The following LINGO2 variants were observed in gnomAD, a reference collection of about 807,000 sequenced individuals.
The protein encoded by LINGO2 is leucine rich repeat and Ig domain containing 2.
A neutral mutation model predicts 30.6 loss-of-function variants in LINGO2; 14 were observed. The observed-to-expected ratio is 0.46, with a 90% CI of 0.30 to 0.72. The LOEUF is 0.72. Ranked by LOEUF, LINGO2 falls within the 30% of genes least tolerant of loss-of-function variation. The pLI is 0.07. For synonymous variants in LINGO2, 317 were observed against 288.5 expected, an observed-to-expected ratio of 1.10 and a Z score of -1.00; for missense variants, 729 against 751.7, an observed-to-expected ratio of 0.97 and a Z score of 0.35.
intron 1 of LINGO2, among the ~76,000 whole-genome samples, chr9:28,498,713 T>C (rs908741010): frequency 6.6e-5 from 10 of 152,014 alleles, no homozygotes; most frequent in African/African-American, 1.9e-4. Flanking sequence ...GGTACCTCAG[T>C]TGGAATTGCA....
chr9:28,463,198 T>C (rs1195133273), intron 2 of LINGO2, among the ~76,000 whole-genome samples: 2 of 152,000 alleles, frequency 1.3e-5, no homozygotes, highest in Non-Finnish European at 2.9e-5. Flanking sequence ...ATTCTTTACC[T>C]AGATATGTAA....
intron 1 of LINGO2, among the ~76,000 whole-genome samples, chr9:28,609,180 T>C (rs1825811016): frequency 6.9e-6 from 1 of 145,734 alleles, no homozygotes; most frequent in Non-Finnish European, 1.5e-5. Flanking sequence ...TTTACAAAAC[T>C]ATAAAAATAT....
chr9:28,384,038 CACAAT>C (rs1218323307), intron 2 of LINGO2, among the ~76,000 whole-genome samples: 1 of 151,892 alleles, frequency 6.6e-6, no homozygotes, highest in Non-Finnish European at 1.5e-5. Flanking sequence ...TAAAACATTA[CACAAT>C]ACAACATATG....
intron 4 of LINGO2, among the ~76,000 whole-genome samples, chr9:28,209,202 A>G (rs1820510173): frequency 6.6e-6 from 1 of 152,008 alleles, no homozygotes; most frequent in African/African-American, 2.4e-5. Flanking sequence ...TTACGATGAC[A>G]TTGACTTTAG....
At chr9:28,317,015 T>G (rs968358182) in intron 3 of LINGO2, among the ~76,000 whole-genome samples, 10 of 152,206 alleles carry the variant, frequency 6.6e-5, no homozygotes, top group African/African-American at 2.4e-4. Context: ...TATCCGTCAT[T>G]ATCCTTATGT....
intron 3 of LINGO2, among the ~76,000 whole-genome samples, chr9:28,300,491 A>C (rs1564105819): frequency 6.6e-6 from 1 of 152,158 alleles, no homozygotes. Context: ...ACCAATTAAA[A>C]TAGGCCACAT....
At chr9:28,764,220 G>T in the LINGO2 span, among the ~76,000 whole-genome samples, 2 of 151,232 alleles carry the variant, frequency 1.3e-5, no homozygotes, top group Non-Finnish European at 3.0e-5. Flanking sequence ...AAAACTACAG[G>T]CCAGTATCTT....
At chr9:28,652,824 A>G (rs1054828106) in intron 1 of LINGO2, among the ~76,000 whole-genome samples, 1 of 152,086 alleles carries the variant, frequency 6.6e-6, no homozygotes, top group African/African-American at 2.4e-5. Flanking sequence ...TAATTTAGTT[A>G]TAAAATCCTT....
intron 5 of LINGO2, among the ~76,000 whole-genome samples, chr9:27,994,536 G>A (rs1234974931): frequency 1.3e-5 from 2 of 152,094 alleles, no homozygotes; most frequent in Admixed American, 1.3e-4. Flanking sequence ...TGGATATGAG[G>A]AGGGGAAGTT....
intron 1 of LINGO2, among the ~76,000 whole-genome samples, chr9:28,516,941 A>T (rs1315198284): frequency 1.3e-5 from 2 of 152,170 alleles, no homozygotes. Context: ...ATTTAGAGCA[A>T]TTTCAAAGTA....
intron 1 of LINGO2, among the ~76,000 whole-genome samples, chr9:28,580,003 T>C (rs1824179679): frequency 6.6e-6 from 1 of 152,130 alleles, no homozygotes; most frequent in South Asian, 2.1e-4. Flanking sequence ...CTTTGGGCTT[T>C]TCGAGCTCAA....
At chr9:28,903,720 C>A in the LINGO2 span, among the ~76,000 whole-genome samples, 1 of 152,064 alleles carries the variant, frequency 6.6e-6, no homozygotes, top group East Asian at 1.9e-4. Context: ...TCAAGCTATC[C>A]TCCTGCCTTA....
chr9:29,063,613 T>G, the LINGO2 span, among the ~76,000 whole-genome samples: 1 of 151,988 alleles, frequency 6.6e-6, no homozygotes, highest in African/African-American at 2.4e-5. Context: ...TTGGCCAGGC[T>G]GGTCTCGAAT....
intron 1 of LINGO2, among the ~76,000 whole-genome samples, chr9:28,566,646 G>A (rs940066807): frequency 6.6e-6 from 1 of 152,088 alleles, no homozygotes; most frequent in African/African-American, 2.4e-5. Context: ...CCTGCAAGGG[G>A]TGCAATTCAA....
At chr9:27,975,622 C>T (rs1434615274) in intron 5 of LINGO2, among the ~76,000 whole-genome samples, 5 of 151,998 alleles carry the variant, frequency 3.3e-5, no homozygotes, top group Non-Finnish European at 2.9e-5. Context: ...TATATTAAGA[C>T]CCTGTTTTAT....
the LINGO2 span, among the ~76,000 whole-genome samples, chr9:28,738,300 T>C: frequency 6.6e-6 from 1 of 152,054 alleles, no homozygotes; most frequent in Non-Finnish European, 1.5e-5. Context: ...TTCTCCACTT[T>C]TCTCCCTCTC....
At chr9:28,232,454 A>G (rs1360039573) in intron 4 of LINGO2, among the ~76,000 whole-genome samples, 2 of 148,830 alleles carry the variant, frequency 1.3e-5, no homozygotes, top group Admixed American at 6.7e-5. Context: ...AAAAAAGATT[A>G]TGTTTTTCTC....
intron 2 of LINGO2, among the ~76,000 whole-genome samples, chr9:28,410,364 C>A (rs544691152): frequency 2.6e-5 from 4 of 152,136 alleles, no homozygotes; most frequent in Admixed American, 2.0e-4. Flanking sequence ...TAAAGAATAA[C>A]AAGCCACTTG....
intron 1 of LINGO2, among the ~76,000 whole-genome samples, chr9:28,534,219 C>T (rs888874913): frequency 1.3e-5 from 2 of 152,112 alleles, no homozygotes; most frequent in Admixed American, 6.6e-5. Context: ...TACAGAAGCA[C>T]AATCATGGAT....
Sources: allele counts gnomAD v4.1 joint callset (sites outside exome capture counted in the v4.1 genomes callset), GRCh38; gene constraint gnomAD v4.1.1; transcripts MANE v1.5; gene names NCBI Gene and HGNC (gene_info 2026-07-23, HGNC 2026-07-21).